Variants in PSTPIP2 observed in about 807,000 individuals in gnomAD.
PSTPIP2 encodes the protein proline-serine-threonine phosphatase interacting protein 2.
A neutral mutation model predicts 63.3 loss-of-function variants in PSTPIP2; 33 were observed. That is an observed-to-expected ratio of 0.52 (90% CI 0.40 to 0.70). The LOEUF (loss-of-function observed/expected upper bound fraction) is 0.70, where lower values mean the gene tolerates loss of function less well. Ranked by LOEUF, PSTPIP2 falls within the 30% of genes least tolerant of loss-of-function variation. PSTPIP2 has a pLI of 0.00. For synonymous variants in PSTPIP2, 125 were observed against 132.7 expected, an observed-to-expected ratio of 0.94 and a Z score of 0.40; for missense variants, 312 against 400.7, an observed-to-expected ratio of 0.78 and a Z score of 1.89.
rs148918117 is a variant in PSTPIP2 at position 45,985,573 on chromosome 18, T to C, written c.*9-123A>G. ...GCCAAGGAAAACAAATGGTGAGGAA[T>C]GGGTATTCCAAGCAATGAGAAATGG... On this transcript the variant is annotated intron_variant, in intron 14 of 14. Transcript: ENST00000409746. 8.9e-6 allele frequency: 8 copies of C among 898,438 alleles called. No homozygotes were observed. The African/African-American group carries it at 1.0e-4, about 12-fold the overall frequency. The allele number at this position is 898,438 out of a possible 1,614,324, so 55.7% of individuals were successfully genotyped here. A position where few individuals can be genotyped will look rare whatever the true frequency, so the allele number is the denominator to read the frequency against.
At position 46,009,391 on chromosome 18, in the gene PSTPIP2, A is replaced by C. The variant is rs912989726; in HGVS notation, c.354+1790T>G. On this transcript the variant is annotated intron_variant, in intron 5 of 14. Transcript: ENST00000409746. ...AAAAAAAAAAAAAAAAAAAAAAAAA[A>C]CCTAGCTAAATACGGAAGTGGTAAA... is the stretch of plus-strand genomic sequence containing the variant. Among the ~76,000 whole-genome samples the C allele has an allele frequency of 1.7e-4, 6 of 36,054 alleles. 1 individual carries two copies. Among genetic ancestry groups the C allele is most frequent in the Non-Finnish European group, 3.4e-4 (6 of 17,692 alleles). 23.7% of individuals were successfully genotyped at this position (36,054 alleles called of 152,430 possible).
chr18:46,029,209 A>G, intron 2 of PSTPIP2: 2 of 1,054,524 alleles, frequency 1.9e-6, no homozygotes. Context: ...CTGTGCATCA[A>G]GTGAGAGGTT....
At chr18:45,997,057 G>C (rs975178695) in intron 9 of PSTPIP2, among the ~76,000 whole-genome samples, 6 of 152,238 alleles carry the variant, frequency 3.9e-5, no homozygotes, top group African/African-American at 1.4e-4. Context: ...TTCTATGCTT[G>C]TGCTAACCCA....
chr18:46,040,314 A>C (rs755036515), intron 1 of PSTPIP2: 29 of 317,326 alleles, frequency 9.1e-5, no homozygotes, highest in Non-Finnish European at 1.4e-4. Context: ...ATAATCCACC[A>C]ACCAAGCCAC....
At chr18:45,996,076 A>G (rs2051591278) in intron 9 of PSTPIP2, among the ~76,000 whole-genome samples, 1 of 152,192 alleles carries the variant, frequency 6.6e-6, no homozygotes, top group Admixed American at 6.5e-5. Context: ...TTGGCCTCCC[A>G]AAGTGCTGGG....
At chr18:46,058,236 A>G (rs1378496897) in intron 1 of PSTPIP2, among the ~76,000 whole-genome samples, 1 of 152,058 alleles carries the variant, frequency 6.6e-6, no homozygotes. Context: ...TCTATGAGTA[A>G]TTTACCCCTG....
At chr18:46,056,141 T>C (rs1908747014) in intron 1 of PSTPIP2, among the ~76,000 whole-genome samples, 2 of 152,202 alleles carry the variant, frequency 1.3e-5, no homozygotes, top group Non-Finnish European at 2.9e-5. Context: ...GGGGAATCTG[T>C]GCTGGCTTCG....
intron 5 of PSTPIP2, among the ~76,000 whole-genome samples, chr18:46,007,977 A>G (rs899749379): frequency 8.5e-5 from 13 of 152,302 alleles, no homozygotes; most frequent in Non-Finnish European, 1.3e-4. Context: ...ACCTGGATTT[A>G]CGTGTCCTTG....
chr18:46,020,738 T>G (rs935453934), intron 3 of PSTPIP2, among the ~76,000 whole-genome samples: 10 of 152,196 alleles, frequency 6.6e-5, no homozygotes, highest in African/African-American at 2.4e-4. Flanking sequence ...AAACAGTGTT[T>G]CACTTCAGCC....
Position 45,996,616 on chromosome 18 carries a change from T to C in PSTPIP2, c.642+1133A>G, listed in dbSNP as rs1170347452. On this transcript the variant is annotated intron_variant, in intron 9 of 14. Coordinates refer to ENST00000409746, the MANE Select transcript of PSTPIP2 (RefSeq NM_024430.4). ...GGGAGCAGTGGTGAAATTGAAGGTA[T>C]GAGGAGAGTAAAAAAAAAAAAGAAA... Among the ~76,000 whole-genome samples, 4 of 150,760 alleles carry C rather than the reference T, an allele frequency of 2.7e-5. No homozygotes were observed. The East Asian group carries it at 7.8e-4, about 29-fold the overall frequency.
intron 2 of PSTPIP2, chr18:46,028,398 G>C (rs985348977): frequency 4.2e-5 from 22 of 519,478 alleles, no homozygotes; most frequent in Non-Finnish European, 8.4e-5. Flanking sequence ...GGCCAAGCGC[G>C]GCGAGGGAAG....
At chr18:45,988,435 G>GA (rs548829215) in intron 14 of PSTPIP2, among the ~76,000 whole-genome samples, 10 of 128,530 alleles carry the variant, frequency 7.8e-5, no homozygotes, top group South Asian at 4.5e-4. Flanking sequence ...ACTCTGCTTC[G>GA]AAAAAAAAAA....
At chr18:46,055,601 G>A (rs759606466) in intron 1 of PSTPIP2, among the ~76,000 whole-genome samples, 1 of 152,192 alleles carries the variant, frequency 6.6e-6, no homozygotes, top group Non-Finnish European at 1.5e-5. Context: ...TTACAGGCAT[G>A]AGCCACTGTG....
chr18:46,000,293 T>C (rs1174335976), intron 6 of PSTPIP2, among the ~76,000 whole-genome samples: 1 of 152,202 alleles, frequency 6.6e-6, no homozygotes, highest in Non-Finnish European at 1.5e-5. Context: ...GAGGCCTCAA[T>C]ATTCACCACA....
At chr18:46,043,879 C>T (rs896581582) in intron 1 of PSTPIP2, among the ~76,000 whole-genome samples, 2 of 151,960 alleles carry the variant, frequency 1.3e-5, no homozygotes, top group Admixed American at 6.6e-5. Context: ...AAAATGTAAA[C>T]ATTTATTTAT....
At chr18:46,011,450 C>G (rs977454057) in intron 4 of PSTPIP2, among the ~76,000 whole-genome samples, 163 bp from the exon 5 acceptor site, 25 of 152,260 alleles carry the variant, frequency 1.6e-4, no homozygotes, top group African/African-American at 5.5e-4. Flanking sequence ...TCCATATGTC[C>G]AGCATAGCCC....
intron 1 of PSTPIP2, among the ~76,000 whole-genome samples, chr18:46,048,069 T>C (rs968871283): frequency 6.6e-6 from 1 of 152,218 alleles, no homozygotes; most frequent in African/African-American, 2.4e-5. Context: ...ATGTCATTAA[T>C]GTCTTGGGAT....
At chr18:46,017,617 T>C (rs894659032) in intron 3 of PSTPIP2, among the ~76,000 whole-genome samples, 2 of 152,132 alleles carry the variant, frequency 1.3e-5, no homozygotes, top group Non-Finnish European at 2.9e-5. Flanking sequence ...TAATTTCTTT[T>C]CTTTTTTGAA....
chr18:46,033,267 T>C (rs1452012025), intron 2 of PSTPIP2, among the ~76,000 whole-genome samples: 4 of 152,180 alleles, frequency 2.6e-5, no homozygotes, highest in East Asian at 1.9e-4. Context: ...TCCCGCAAAA[T>C]AGGTTGCAGT....
Sources: gnomAD v4.1 joint callset for allele counts (sites outside exome capture counted in the v4.1 genomes callset) on GRCh38, gnomAD v4.1.1 for gene constraint, MANE v1.5 for transcripts, NCBI Gene and HGNC (gene_info 2026-07-23, HGNC 2026-07-21) for gene names.